Variants in GNAI2 observed in about 807,000 individuals in gnomAD.
GNAI2 encodes the protein G protein subunit alpha i2, also known as guanine nucleotide-binding protein G(i) subunit alpha-2.
In GNAI2, 4 loss-of-function variants were observed where a neutral mutation model predicts 36.8. The ratio of observed to expected loss-of-function variants is 0.11; its 90% confidence interval spans 0.05 to 0.25. The LOEUF (loss-of-function observed/expected upper bound fraction) is 0.25, where lower values mean the gene tolerates loss of function less well. Ranked by LOEUF, GNAI2 falls within the 10% of genes least tolerant of loss-of-function variation. The pLI is 1.00. For missense variants in GNAI2, 230 were observed against 481.3 expected (o/e 0.48, Z 4.89); for synonymous variants, 194 against 194.1 (o/e 1.00, Z 0.01).
upstream of GNAI2, chr3:50,236,195 G>T (rs897663722): frequency 4.8e-5 from 57 of 1,176,494 alleles, no homozygotes; most frequent in African/African-American, 7.7e-4. The surrounding 1 kb of genome is among the most constrained non-coding windows in gnomAD (Gnocchi z 4.0). Flanking sequence ...TAGGGAAGGC[G>T]CCTCCCGCAG....
At position 50,258,618 on chromosome 3, in the gene GNAI2, CTTGTTCTG is replaced by C; in HGVS notation, c.*277_*284del. ...ATCTGTTCTGGTTTTTAACCATTGT[CTTGTTCTG>C]TGATGAGGGGAGGGGGGCACATGCT... On this transcript the variant is annotated 3_prime_UTR_variant, in exon 9 of 9. Coordinates refer to ENST00000313601, the MANE Select transcript of GNAI2 (RefSeq NM_002070.4). The C allele has an allele frequency of 3.4e-6, 1 of 291,480 alleles. No homozygotes were observed. Among genetic ancestry groups the C allele is most frequent in the Non-Finnish European group, 6.7e-6 (1 of 148,550 alleles). 18.1% of individuals were successfully genotyped at this position (291,480 alleles called of 1,614,324 possible). A position where few individuals can be genotyped will look rare whatever the true frequency, so the allele number is the denominator to read the frequency against.
chr3:50,247,180 C>T (rs1207150663), intron 1 of GNAI2: 6 of 672,258 alleles, frequency 8.9e-6, no homozygotes, highest in South Asian at 4.8e-5. Flanking sequence ...GCATTTAATC[C>T]TTACCCATCT....
At chr3:50,246,932 A>T in intron 1 of GNAI2, 4 of 1,470,396 alleles carry the variant, frequency 2.7e-6, no homozygotes, top group Non-Finnish European at 3.6e-6. Flanking sequence ...GCTGAGTCCC[A>T]GCAGGGAACC....
At chr3:50,232,262 G>A (rs1401484388), upstream of GNAI2, among the ~76,000 whole-genome samples, 5 of 152,132 alleles carry the variant, frequency 3.3e-5, no homozygotes, top group Non-Finnish European at 5.9e-5. Flanking sequence ...CCCAGGAGGC[G>A]GAGGTTGCAG....
rs1317340195 is a variant in GNAI2 at position 50,258,658 on chromosome 3, C to G, written c.*315C>G. On this transcript the variant is annotated 3_prime_UTR_variant, in exon 9 of 9. Coordinates refer to ENST00000313601, the MANE Select transcript of GNAI2 (RefSeq NM_002070.4). Reference sequence around the variant, plus strand: ...GGGGAGGGGGGCACATGCTGAGTCTCCCAAGGCTGCGTCTGGAGGGGCCCC... The same window carrying G: ...GGGGAGGGGGGCACATGCTGAGTCTGCCAAGGCTGCGTCTGGAGGGGCCCC... The G allele has an allele frequency of 3.5e-5, 12 of 343,644 alleles. 1 individual carries two copies. The highest frequency in any genetic ancestry group is 2.6e-4 in the African/African-American group (12 of 46,396). 21.3% of individuals were successfully genotyped at this position (343,644 alleles called of 1,614,324 possible).
chr3:50,253,098 C>T lies in GNAI2; in HGVS notation c.378C>T (p.Gly126=), dbSNP rs142508788. Residue 126 remains glycine, a synonymous_variant, in exon 4 of 9, where the codon GGC becomes GGT. Coordinates refer to ENST00000313601, the MANE Select transcript of GNAI2 (RefSeq NM_002070.4). This position sits in a 1 kb window ranked among gnomAD's most constrained non-coding sequence, Gnocchi z 4.2. ...EQGVLPDDLS[G]VIRRLWADHG... is the part of the protein sequence containing the mutation. ...GCGTGCTCCCTGATGACCTGTCCGG[C>T]GTCATCCGGAGGCTCTGGGCTGACC... 5.5e-5 allele frequency: 89 copies of T among 1,613,030 alleles called. No individual in the cohort carries two copies. Among genetic ancestry groups the T allele is most frequent in the Middle Eastern group, 1.7e-4 (1 of 6,056 alleles).
At position 50,257,707 on chromosome 3, in the gene GNAI2, G is replaced by A; in HGVS notation, c.*17G>A. ...CTCTTCTGAGGGGCAGCGGGGCCTG[G>A]CGGGATGGTGAGCCAGAGGGGCTGT... On this transcript the variant is annotated 3_prime_UTR_variant, in exon 8 of 9. Transcript: ENST00000313601. The A allele has an allele frequency of 1.3e-6, 2 of 1,526,538 alleles. No homozygotes were observed. The highest frequency in any genetic ancestry group is 4.7e-5 in the East Asian group (2 of 42,520). The allele number at this position is 1,526,538 out of a possible 1,614,324, so 94.6% of individuals were successfully genotyped here.
chr3:50,232,439 C>T (rs1553699866), upstream of GNAI2, among the ~76,000 whole-genome samples: 1 of 152,226 alleles, frequency 6.6e-6, no homozygotes, highest in African/African-American at 2.4e-5. Context: ...TGACCTCTGC[C>T]TGTGCTTTGG....
intron 1 of GNAI2, among the ~76,000 whole-genome samples, chr3:50,244,480 TG>T (rs1700369898): frequency 6.6e-6 from 1 of 152,198 alleles, no homozygotes; most frequent in South Asian, 2.1e-4. Flanking sequence ...AGACCAAGCC[TG>T]GGGAAGGCTC....
chr3:50,228,761 G>A (rs1239707823), upstream of GNAI2, among the ~76,000 whole-genome samples: 3 of 152,126 alleles, frequency 2.0e-5, no homozygotes. Flanking sequence ...CCTTTGCACT[G>A]GCTGATAGCT....
chr3:50,243,797 A>G lies in GNAI2; in HGVS notation c.118+7344A>G, dbSNP rs76638477. On this transcript the variant is annotated intron_variant, in intron 1 of 8. Transcript: ENST00000313601. ...GATTAAGCGCCTGCCTCCAACTGCC[A>G]TGGCCCTTTGGGAGTCTGTGCTGGC... 9.7e-3 allele frequency among the ~76,000 whole-genome samples: 1,471 copies of G among 152,290 alleles called. 21 individuals are homozygous for G. Among genetic ancestry groups the G allele is most frequent in the African/African-American group, 0.034 (1,406 of 41,560 alleles).
At chr3:50,246,931 C>T in intron 1 of GNAI2, 6 of 1,469,220 alleles carry the variant, frequency 4.1e-6, no homozygotes, top group East Asian at 2.6e-5. Flanking sequence ...TGCTGAGTCC[C>T]AGCAGGGAAC....
In GNAI2 at chr3:50,252,363, G is replaced by A; in HGVS notation, c.162-34G>A. ...CAGCCGTGGGAACTCCCAGTGCCCAGGGGACACTAACCTTCCTGGTCCCTG... is the reference window on the plus strand; with the variant it reads ...CAGCCGTGGGAACTCCCAGTGCCCAAGGGACACTAACCTTCCTGGTCCCTG... On this transcript the variant is annotated intron_variant, in intron 2 of 8. Coordinates refer to ENST00000313601, the MANE Select transcript of GNAI2 (RefSeq NM_002070.4). The surrounding 1 kb of genome is among the most constrained non-coding windows in gnomAD (Gnocchi z 4.1). 6.2e-7 allele frequency: 1 copy of A among 1,610,252 alleles called. No homozygotes were observed. Among genetic ancestry groups the A allele is most frequent in the Admixed American group, 1.7e-5 (1 of 60,014 alleles).
At chr3:50,228,805 A>T (rs1409460454), upstream of GNAI2, among the ~76,000 whole-genome samples, 1 of 151,760 alleles carries the variant, frequency 6.6e-6, no homozygotes, top group Non-Finnish European at 1.5e-5. Flanking sequence ...GCCTGAAGTC[A>T]CTCCTGACAA....
At chr3:50,248,261 A>T (rs1483747612) in intron 1 of GNAI2, among the ~76,000 whole-genome samples, 2 of 152,128 alleles carry the variant, frequency 1.3e-5, no homozygotes, top group African/African-American at 4.8e-5. Context: ...TCAAAAAAAA[A>T]ATCTGGACTC....
intron 1 of GNAI2, among the ~76,000 whole-genome samples, chr3:50,243,580 A>G (rs1193010283): frequency 1.3e-5 from 2 of 152,242 alleles, no homozygotes. Context: ...GTTTCCCCTC[A>G]GGTGATAACC....
chr3:50,249,499 A>T (rs1439879015), intron 1 of GNAI2, among the ~76,000 whole-genome samples: 2 of 152,142 alleles, frequency 1.3e-5, no homozygotes, highest in East Asian at 3.9e-4. Flanking sequence ...TGGTGCTGGT[A>T]TATATCCCGG....
Position 50,257,619 on chromosome 3 carries a change from G to A in GNAI2, c.997G>A (p.Val333Met), listed in dbSNP as rs139567497. The change falls in exon 8 of 9, where the codon GTG (valine) becomes ATG (methionine). Residue 333 changes from valine (V) to methionine (M), a missense_variant. Val to Met is a conservative substitution (Grantham distance 21). Around this residue, in one of 4 missense-constraint regions of GNAI2, gnomAD observed 17 missense variants for 48.5 expected, o/e 0.35. Transcript: ENST00000313601. ...HFTCATDTKN[V>M]QFVFDAVTDV... is the part of the protein sequence containing the mutation. ...CACGTGCGCCACCGACACCAAGAAC[G>A]TGCAGTTCGTGTTTGACGCCGTCAC... 15 of 1,610,430 alleles carry A rather than the reference G, an allele frequency of 9.3e-6. No homozygotes were observed. The African/African-American group carries it at 1.2e-4, about 13-fold the overall frequency.
rs374129739 is a variant in GNAI2 at position 50,252,552 on chromosome 3, G to A, written c.303+14G>A. The A allele has an allele frequency of 8.1e-6, 13 of 1,605,624 alleles. No homozygotes were observed. Among genetic ancestry groups the A allele is most frequent in the East Asian group, 4.5e-5 (2 of 44,714 alleles). On this transcript the variant is annotated intron_variant, in intron 3 of 8. Coordinates refer to ENST00000313601, the MANE Select transcript of GNAI2 (RefSeq NM_002070.4). The surrounding 1 kb of genome is among the most constrained non-coding windows in gnomAD (Gnocchi z 4.1). ...CCCTCCAGAGCGGTATGTGCCCTCC[G>A]CCCCACCCTCTCCCACCTCCCAAAA...
Sources: allele counts gnomAD v4.1 joint callset (sites outside exome capture counted in the v4.1 genomes callset), GRCh38; gene constraint gnomAD v4.1.1; regional missense constraint gnomAD v4.1.1; non-coding constraint Gnocchi (gnomAD v3.1); transcripts MANE v1.5; gene names NCBI Gene and HGNC (gene_info 2026-07-23, HGNC 2026-07-21).